Variants in EML1 observed in about 807,000 individuals in gnomAD.
The protein encoded by EML1 is echinoderm microtubule-associated protein-like 1.
Under a neutral mutation model 110.4 loss-of-function variants are expected in EML1, and 27 were observed. The observed-to-expected ratio is 0.24, with a 90% CI of 0.18 to 0.34. The LOEUF (loss-of-function observed/expected upper bound fraction) is 0.34, where lower values mean the gene tolerates loss of function less well. Ranked by LOEUF, EML1 falls within the 10% of genes least tolerant of loss-of-function variation. EML1 has a pLI of 1.00. For missense variants in EML1, 741 were observed against 1,030.9 expected, an observed-to-expected ratio of 0.72 and a Z score of 3.85; for synonymous variants, 344 against 385.8, an observed-to-expected ratio of 0.89 and a Z score of 1.27.
At chr14:99,747,503 G>T (rs1238164364) in intron 1 of EML1, among the ~76,000 whole-genome samples, 1 of 152,144 alleles carries the variant, frequency 6.6e-6, no homozygotes, top group East Asian at 1.9e-4. Context: ...CAGTTGGGGG[G>T]TGGCATGTTG....
At chr14:99,934,035 C>G (rs2060422201) in intron 17 of EML1, among the ~76,000 whole-genome samples, 1 of 152,188 alleles carries the variant, frequency 6.6e-6, no homozygotes. Flanking sequence ...GTGGAGGTTG[C>G]AGTGAGCTGA....
chr14:99,805,702 C>T (rs998187314), intron 1 of EML1, among the ~76,000 whole-genome samples: 1 of 152,038 alleles, frequency 6.6e-6, no homozygotes, highest in African/African-American at 2.4e-5. Context: ...TTTTGAACTC[C>T]TGGGCTGAAG....
intron 1 of EML1, among the ~76,000 whole-genome samples, chr14:99,751,406 A>G (rs1270855443): frequency 6.6e-6 from 1 of 152,222 alleles, no homozygotes; most frequent in Non-Finnish European, 1.5e-5. Flanking sequence ...TGAATGGTCA[A>G]TCAGCCATTC....
At position 99,755,247 on chromosome 14, in the gene EML1, G is replaced by A. The variant is rs147998798; in HGVS notation, c.28+17387G>A. Among the ~76,000 whole-genome samples, 96 of 152,358 alleles carry A rather than the reference G, an allele frequency of 6.3e-4. No homozygotes were observed. The East Asian group carries it at 0.014, about 23-fold the overall frequency. On this transcript the variant is annotated intron_variant, in intron 1 of 10. Transcript: ENST00000554479. ...TGACAGGAGCTGAAGGAGATGGACCGTGGAGGACAGGCAGCCTCCAGCAGC... is the reference window on the plus strand; with the variant it reads ...TGACAGGAGCTGAAGGAGATGGACCATGGAGGACAGGCAGCCTCCAGCAGC...
intron 1 of EML1, among the ~76,000 whole-genome samples, chr14:99,782,019 G>C (rs979805060): frequency 6.6e-6 from 1 of 152,134 alleles, no homozygotes; most frequent in Non-Finnish European, 1.5e-5. Context: ...GGCTAAACCC[G>C]GGTCTGCACC....
Position 99,937,843 on chromosome 14 carries a change from G to GT in EML1, c.2123dup (p.Ser709LysfsTer9). 1 of 1,614,100 alleles carries GT rather than the reference G, an allele frequency of 6.2e-7. No homozygotes were observed. The highest frequency in any genetic ancestry group is 1.3e-5 in the African/African-American group (1 of 75,050). On this transcript the variant is annotated frameshift_variant, in exon 20 of 22. Coordinates refer to ENST00000262233, the MANE Select transcript of EML1 (RefSeq NM_004434.3). LOFTEE classifies it high-confidence loss of function. ...GGTTCCCTCTGCCTGTAAGCAAGTC[G>GT]TAAGTGTGGAAACTACAAGAGACAT...
chr14:99,900,897 A>G (rs2059752234), intron 8 of EML1, 32 bp from the exon 9 acceptor site: 1 of 1,570,966 alleles, frequency 6.4e-7, no homozygotes, highest in African/African-American at 1.4e-5. Context: ...TCACCATCAC[A>G]ATTGATGGCT....
rs187848043 is a variant in EML1, at chr14:99,834,444, G to A, written c.68-16409G>A. ...AGCCTCCTGAGTAGCTGGGACTACA[G>A]GTGCACGCCACCATGCCCAGGTGAT... On this transcript the variant is annotated intron_variant, in intron 1 of 21. Transcript: ENST00000262233. 2.5e-3 allele frequency among the ~76,000 whole-genome samples: 380 copies of A among 152,098 alleles called. 2 individuals carry two copies. The highest frequency in any genetic ancestry group is 3.4e-3 in the Middle Eastern group (1 of 294).
At chr14:99,898,557 A>G (rs563094012) in intron 8 of EML1, among the ~76,000 whole-genome samples, 1 of 152,314 alleles carries the variant, frequency 6.6e-6, no homozygotes, top group Non-Finnish European at 1.5e-5. Context: ...GTTTGAGACC[A>G]GCCTAGCCAA....
chr14:99,759,925 G>C (rs1249393353), intron 1 of EML1, among the ~76,000 whole-genome samples: 3 of 151,896 alleles, frequency 2.0e-5, no homozygotes, highest in Admixed American at 2.0e-4. Flanking sequence ...TGACCAACAT[G>C]ATGAAACCCC....
At chr14:99,871,102 G>A (rs771795729) in intron 3 of EML1, among the ~76,000 whole-genome samples, 7 of 152,150 alleles carry the variant, frequency 4.6e-5, no homozygotes, top group East Asian at 1.9e-4. Context: ...GATTACAGGC[G>A]CACACCACCA....
intron 1 of EML1, chr14:99,850,227 G>A (rs1461830307): frequency 1.7e-6 from 2 of 1,207,448 alleles, no homozygotes; most frequent in African/African-American, 3.1e-5. Context: ...TCTGGTTGGA[G>A]CACAGTAAGT....
intron 20 of EML1, 108 bp downstream of exon 20, chr14:99,938,020 G>C (rs569173236): frequency 1.8e-6 from 2 of 1,108,668 alleles, no homozygotes; most frequent in Non-Finnish European, 2.7e-6. Flanking sequence ...CAGATTGCTC[G>C]GCTGCTACGG....
intron 17 of EML1, among the ~76,000 whole-genome samples, chr14:99,929,470 G>A (rs549704608): frequency 5.5e-4 from 84 of 152,284 alleles, no homozygotes; most frequent in African/African-American, 1.7e-3. Context: ...TTCCATGATG[G>A]GAGGGACCCT....
intron 1 of EML1, among the ~76,000 whole-genome samples, chr14:99,774,613 T>C (rs1371578139): frequency 2.0e-5 from 3 of 152,198 alleles, no homozygotes; most frequent in African/African-American, 7.2e-5. Context: ...TGCTGCATAA[T>C]TTCAATAGCT....
intron 1 of EML1, among the ~76,000 whole-genome samples, chr14:99,793,898 C>G (rs892368064): frequency 1.3e-5 from 2 of 151,810 alleles, no homozygotes; most frequent in African/African-American, 4.8e-5. Context: ...GAACGTGTTG[C>G]TTTTTTGCTT....
chr14:99,850,364 G>A (rs1474489128), intron 1 of EML1: 2 of 1,288,822 alleles, frequency 1.6e-6, no homozygotes, highest in East Asian at 5.6e-5. Context: ...AATTGTAAGG[G>A]TAGCTTGCCA....
intron 1 of EML1, among the ~76,000 whole-genome samples, chr14:99,749,337 C>CT (rs950130004): frequency 3.7e-5 from 5 of 135,672 alleles, no homozygotes; most frequent in African/African-American, 1.5e-4. Flanking sequence ...TGTCTTCTCG[C>CT]CCCCCCAGCC....
At chr14:99,777,422 T>C (rs1220657530) in intron 1 of EML1, among the ~76,000 whole-genome samples, 2 of 152,182 alleles carry the variant, frequency 1.3e-5, no homozygotes, top group Non-Finnish European at 2.9e-5. Context: ...TTTTTGTTTC[T>C]TTTTGTTTGT....
Sources: allele counts gnomAD v4.1 joint callset (sites outside exome capture counted in the v4.1 genomes callset), GRCh38; gene constraint gnomAD v4.1.1; transcripts MANE v1.5; gene names NCBI Gene and HGNC (gene_info 2026-07-23, HGNC 2026-07-21).